FILIP1L: variants seen among roughly 807,000 people sequenced by gnomAD.
FILIP1L encodes the protein filamin A interacting protein 1 like.
Under a neutral mutation model 96.6 loss-of-function variants are expected in FILIP1L, and 55 were observed. The observed-to-expected ratio is 0.57, with a 90% CI of 0.46 to 0.71. The LOEUF (loss-of-function observed/expected upper bound fraction) is 0.71. Ranked by LOEUF, FILIP1L falls within the 30% of genes least tolerant of loss-of-function variation. The probability of loss-of-function intolerance (pLI) is 0.00; values close to 1 mark genes in which losing one functional copy is unlikely to be tolerated. For synonymous variants in FILIP1L, 467 were observed against 473.9 expected (o/e 0.99, Z 0.19); for missense variants, 1,304 against 1,321.2 (o/e 0.99, Z 0.20).
At chr3:99,927,249 A>G (rs948024664) in intron 3 of FILIP1L, among the ~76,000 whole-genome samples, 3 of 152,222 alleles carry the variant, frequency 2.0e-5, no homozygotes, top group African/African-American at 7.2e-5. Flanking sequence ...TAAATTTAAA[A>G]GCTTAATTAT....
rs145398279 is a variant in FILIP1L at position 99,941,969 on chromosome 3, C to T, written c.-10-10939G>A. Among the ~76,000 whole-genome samples the T allele has an allele frequency of 1.7e-3, 261 of 152,226 alleles. 1 individual carries two copies. The highest frequency in any genetic ancestry group is 6.0e-3 in the African/African-American group (250 of 41,550). ...AAGACTAAGGAAATTTGAATGTGAA[C>T]TATAAATTAGGTGATATTAAGAATT... is the stretch of plus-strand genomic sequence containing the variant. On this transcript the variant is annotated intron_variant, in intron 1 of 5. Transcript: ENST00000477258.
intron 4 of FILIP1L, among the ~76,000 whole-genome samples, chr3:99,894,895 T>C (rs1350150698): frequency 4.6e-5 from 7 of 152,222 alleles, no homozygotes; most frequent in Non-Finnish European, 1.0e-4. Flanking sequence ...TATATTTAGG[T>C]CAGCTAGCTT....
At chr3:99,838,935 C>T (rs1441995333) in intron 5 of FILIP1L, among the ~76,000 whole-genome samples, 1 of 152,166 alleles carries the variant, frequency 6.6e-6, no homozygotes, top group Non-Finnish European at 1.5e-5. Flanking sequence ...TCTTCACAAT[C>T]AACAGGTCTT....
intron 1 of FILIP1L, among the ~76,000 whole-genome samples, chr3:99,957,565 C>T (rs1229370174): frequency 5.3e-5 from 8 of 151,908 alleles, no homozygotes; most frequent in Non-Finnish European, 8.8e-5. Context: ...TCTTTAATAC[C>T]GTAAACAGTT....
chr3:99,950,573 C>T (rs1046450037), intron 1 of FILIP1L, among the ~76,000 whole-genome samples: 3 of 152,122 alleles, frequency 2.0e-5, no homozygotes, highest in African/African-American at 7.2e-5. Context: ...GGATAGTATA[C>T]TTGAAGTTTT....
chr3:99,967,134 T>C (rs2107711696), intron 1 of FILIP1L, among the ~76,000 whole-genome samples: 1 of 152,320 alleles, frequency 6.6e-6, no homozygotes, highest in South Asian at 2.1e-4. Flanking sequence ...TCTGAAAAGC[T>C]TGGATTAGGT....
chr3:99,938,050 A>AGTGTGTGTGTGT (rs71625545), intron 1 of FILIP1L, among the ~76,000 whole-genome samples: 16 of 148,902 alleles, frequency 1.1e-4, no homozygotes, highest in African/African-American at 4.0e-4. Flanking sequence ...AGGCTCAGGA[A>AGTGTGTGTGTGT]GTGTGTGTGT....
chr3:100,082,244 G>C (rs1053329125), intron 1 of FILIP1L, among the ~76,000 whole-genome samples: 11 of 152,166 alleles, frequency 7.2e-5, no homozygotes, highest in Admixed American at 5.2e-4. Context: ...TCATAGAATA[G>C]AATCTGTTTA....
chr3:100,074,305 G>A (rs1576023074), intron 1 of FILIP1L, among the ~76,000 whole-genome samples: 1 of 152,100 alleles, frequency 6.6e-6, no homozygotes. Context: ...AAAGGTTTCC[G>A]TTGCTGAATC....
intron 4 of FILIP1L, among the ~76,000 whole-genome samples, chr3:99,865,674 C>T (rs1164290223): frequency 3.3e-5 from 5 of 152,074 alleles, no homozygotes; most frequent in Admixed American, 3.3e-4. Flanking sequence ...TTCCATAGAA[C>T]ATTTCAAGGA....
At chr3:100,099,370 C>T (rs751408233) in intron 1 of FILIP1L, among the ~76,000 whole-genome samples, 2 of 152,046 alleles carry the variant, frequency 1.3e-5, no homozygotes, top group African/African-American at 2.4e-5. Flanking sequence ...GTGCATTAAA[C>T]GAGTAAGCTA....
intron 1 of FILIP1L, among the ~76,000 whole-genome samples, chr3:100,038,045 C>T (rs2065140989): frequency 6.6e-6 from 1 of 151,048 alleles, no homozygotes; most frequent in Non-Finnish European, 1.5e-5. Context: ...ACCTCTGCCT[C>T]CTGGGTTCAA....
At chr3:99,853,943 A>G (rs1012973986) in intron 4 of FILIP1L, among the ~76,000 whole-genome samples, 3 of 152,214 alleles carry the variant, frequency 2.0e-5, no homozygotes, top group Admixed American at 1.3e-4. Flanking sequence ...GCCCTGATGG[A>G]ATCTTTTCAG....
At chr3:100,079,197 G>A (rs999507913) in intron 1 of FILIP1L, among the ~76,000 whole-genome samples, 3 of 152,214 alleles carry the variant, frequency 2.0e-5, no homozygotes, top group African/African-American at 7.2e-5. Flanking sequence ...AGAATGCAAA[G>A]GTGAGAGTCG....
chr3:99,938,934 T>G (rs746525502), intron 1 of FILIP1L, among the ~76,000 whole-genome samples: 1 of 152,212 alleles, frequency 6.6e-6, no homozygotes, highest in Non-Finnish European at 1.5e-5. Flanking sequence ...AAAAGACAAT[T>G]GAAAACAAGA....
At chr3:100,033,028 C>G (rs968311699) in intron 1 of FILIP1L, among the ~76,000 whole-genome samples, 2 of 151,568 alleles carry the variant, frequency 1.3e-5, no homozygotes, top group Non-Finnish European at 2.9e-5. Context: ...GTGTGGTTTC[C>G]ACTCTACTGT....
intron 1 of FILIP1L, among the ~76,000 whole-genome samples, chr3:99,967,989 A>G (rs1708703355): frequency 6.6e-6 from 1 of 152,216 alleles, no homozygotes; most frequent in Non-Finnish European, 1.5e-5. Context: ...GCAATCTCAA[A>G]CATGTATTAC....
chr3:100,071,115 T>C (rs1000918287), intron 1 of FILIP1L, among the ~76,000 whole-genome samples: 1 of 86,314 alleles, frequency 1.2e-5, no homozygotes, highest in Non-Finnish European at 2.3e-5. Flanking sequence ...TTTTTTTGGA[T>C]GGATTAGCAT....
intron 1 of FILIP1L, among the ~76,000 whole-genome samples, chr3:99,943,393 T>G (rs970387639): frequency 2.0e-5 from 3 of 152,168 alleles, no homozygotes; most frequent in African/African-American, 7.2e-5. Flanking sequence ...TTTTTCATAT[T>G]CCATCTACTT....
Sources: gnomAD v4.1 joint callset for allele counts (sites outside exome capture counted in the v4.1 genomes callset) on GRCh38, gnomAD v4.1.1 for gene constraint, MANE v1.5 for transcripts, NCBI Gene and HGNC (gene_info 2026-07-23, HGNC 2026-07-21) for gene names.